PRKAG1: variants seen among roughly 807,000 people sequenced by gnomAD.
PRKAG1 encodes protein kinase AMP-activated non-catalytic subunit gamma 1, also known as 5'-AMP-activated protein kinase subunit gamma-1.
PRKAG1 carries 27 observed loss-of-function variants against 48.2 expected under a neutral mutation model. That is an observed-to-expected ratio of 0.56 (90% CI 0.41 to 0.77). The LOEUF (loss-of-function observed/expected upper bound fraction) is 0.77, where lower values mean the gene tolerates loss of function less well. PRKAG1 is among the 30% of genes least tolerant of loss of function. The pLI is 0.00. For missense variants in PRKAG1, 287 were observed against 398.3 expected (o/e 0.72, Z 2.38); for synonymous variants, 130 against 147.7 (o/e 0.88, Z 0.87).
At chr12:49,013,820 A>G (rs1941857667) in intron 1 of PRKAG1, among the ~76,000 whole-genome samples, 1 of 152,194 alleles carries the variant, frequency 6.6e-6, no homozygotes, top group South Asian at 2.1e-4. Flanking sequence ...CTAACAAAAT[A>G]ATTTCTTATA....
At position 49,002,657 on chromosome 12, in the gene PRKAG1, G is replaced by A; in HGVS notation, c.*242C>T. The A allele has an allele frequency of 1.7e-6, 1 of 594,086 alleles. No homozygotes were observed. Among genetic ancestry groups the A allele is most frequent in the Non-Finnish European group, 3.1e-6 (1 of 325,116 alleles). The allele number at this position is 594,086 out of a possible 1,614,324, so 36.8% of individuals were successfully genotyped here. ...CCCAGAAAGGGGGATATATCTAAGA[G>A]GACAGGGGCTAGAACTGGCTAGGCT... On this transcript the variant is annotated 3_prime_UTR_variant, in exon 12 of 12. Transcript: ENST00000548065.
chr12:49,007,791 A>G (rs990551463), intron 2 of PRKAG1, among the ~76,000 whole-genome samples: 1 of 151,534 alleles, frequency 6.6e-6, no homozygotes, highest in Non-Finnish European at 1.5e-5. Context: ...CACCACAAAC[A>G]CGTACTTCCC....
Position 49,004,956 on chromosome 12 carries a change from G to C in PRKAG1, c.410+8C>G. On this transcript the variant is annotated splice_region_variant and intron_variant, in intron 7 of 11. Coordinates refer to ENST00000548065, the MANE Select transcript of PRKAG1 (RefSeq NM_002733.5). ...CGCTTTTTGGACAGATGGGTAACTG[G>C]AACTCACCTGGCATTAGGAGAAATG... is the stretch of plus-strand genomic sequence containing the variant. The C allele has an allele frequency of 6.2e-7, 1 of 1,613,100 alleles. No individual in the cohort carries two copies. The highest frequency in any genetic ancestry group is 8.5e-7 in the Non-Finnish European group (1 of 1,179,594).
intron 1 of PRKAG1, among the ~76,000 whole-genome samples, chr12:49,016,260 T>C (rs1941964136): frequency 6.6e-6 from 1 of 152,188 alleles, no homozygotes; most frequent in African/African-American, 2.4e-5. Context: ...TTTAATAACA[T>C]AAGGGACCTG....
At chr12:49,016,897 A>G (rs1941996708) in intron 1 of PRKAG1, 2 of 341,222 alleles carry the variant, frequency 5.9e-6, no homozygotes, top group Admixed American at 8.5e-5. Flanking sequence ...ACCTGATCTT[A>G]GCCTGCTTTT....
chr12:49,003,281 C>T lies in PRKAG1; in HGVS notation c.751G>A (p.Ala251Thr), dbSNP rs764957818. The change falls in exon 11 of 12, where the codon GCA becomes ACA. Residue 251 changes from alanine to threonine, a missense_variant. This residue lies in a region of PRKAG1 where 224 missense variants were observed against 344.3 expected (regional missense o/e 0.65). Coordinates refer to ENST00000548065, the MANE Select transcript of PRKAG1 (RefSeq NM_002733.5). ...TCTAGGTTGTTGTAGGTCTTTTCTGCTGCCAGATTCTGGGGAGACAGAGGA... is the reference window on the plus strand; with the variant it reads ...TCTAGGTTGTTGTAGGTCTTTTCTGTTGCCAGATTCTGGGGAGACAGAGGA... ...YSKFDVINLA[A>T]EKTYNNLDVS... 1.9e-6 allele frequency: 3 copies of T among 1,614,006 alleles called. No individual in the cohort carries two copies. The highest frequency in any genetic ancestry group is 2.2e-5 in the East Asian group (1 of 44,892).
At chr12:49,017,199 CTTTCT>C (rs374630711) in intron 1 of PRKAG1, 254 of 455,912 alleles carry the variant, frequency 5.6e-4, no homozygotes, top group African/African-American at 4.4e-3. Context: ...CAGGAGTTTT[CTTTCT>C]TTTCTTTTTT....
chr12:49,003,016 A>G lies in PRKAG1; in HGVS notation c.889-10T>C. On this transcript the variant is annotated splice_polypyrimidine_tract_variant and intron_variant, in intron 11 of 11. Coordinates refer to ENST00000548065, the MANE Select transcript of PRKAG1 (RefSeq NM_002733.5). ...CTACAAGTCGGTGAACCTGGCACAGAGCAACAAGGGAGAAAGGGAATGTTT... is the reference window on the plus strand; with the variant it reads ...CTACAAGTCGGTGAACCTGGCACAGGGCAACAAGGGAGAAAGGGAATGTTT... 1.2e-6 allele frequency: 2 copies of G among 1,613,832 alleles called. No individual in the cohort carries two copies. The highest frequency in any genetic ancestry group is 2.2e-5 in the South Asian group (2 of 90,974).
chr12:49,012,673 C>A, intron 2 of PRKAG1: 1 of 200,466 alleles, frequency 5.0e-6, no homozygotes, highest in Non-Finnish European at 1.0e-5. Flanking sequence ...TGCACCAAGC[C>A]CTTTGCATAA....
At position 49,007,324 on chromosome 12, in the gene PRKAG1, C is replaced by A. The variant is rs181884170; in HGVS notation, c.59-1472G>T. Among the ~76,000 whole-genome samples, 4 of 151,474 alleles carry A rather than the reference C, an allele frequency of 2.6e-5. No individual in the cohort carries two copies. The East Asian group carries it at 7.7e-4, about 29-fold the overall frequency. ...AAAAAATTACATAATTTAATCCTTA[C>A]AACAAATGTGTAAGTAATGTCCTCA... On this transcript the variant is annotated intron_variant, in intron 2 of 11. Transcript: ENST00000548065.
chr12:49,007,963 G>A (rs372866606), intron 2 of PRKAG1, among the ~76,000 whole-genome samples: 185 of 151,326 alleles, frequency 1.2e-3, no homozygotes, highest in African/African-American at 4.2e-3. Flanking sequence ...AGGTTCAAGC[G>A]ATTCTCCTGC....
chr12:49,016,723 C>T (rs142834822), intron 1 of PRKAG1: 1 of 155,592 alleles, frequency 6.4e-6, no homozygotes, highest in Non-Finnish European at 1.4e-5. Flanking sequence ...AAGGGACTTT[C>T]ATCCCCATTA....
chr12:49,010,423 C>T lies in PRKAG1; in HGVS notation c.58+2639G>A, dbSNP rs963603545. Among the ~76,000 whole-genome samples, 3 of 152,116 alleles carry T rather than the reference C, an allele frequency of 2.0e-5. No homozygotes were observed. The East Asian group carries it at 5.8e-4, about 29-fold the overall frequency. ...TGGAGGGTGAAGGCTCTTCTGCCAG[C>T]GCTCTGGAAACTGAAAAGGGGGAAA... On this transcript the variant is annotated intron_variant, in intron 2 of 11. Coordinates refer to ENST00000548065, the MANE Select transcript of PRKAG1 (RefSeq NM_002733.5).
At chr12:49,007,515 T>C (rs1395641828) in intron 2 of PRKAG1, among the ~76,000 whole-genome samples, 3 of 152,200 alleles carry the variant, frequency 2.0e-5, no homozygotes, top group East Asian at 1.9e-4. Context: ...CAAAGTTATA[T>C]AGACACACAG....
intron 1 of PRKAG1, among the ~76,000 whole-genome samples, chr12:49,015,056 T>C (rs1181507041): frequency 6.6e-6 from 1 of 152,202 alleles, no homozygotes; most frequent in Non-Finnish European, 1.5e-5. Flanking sequence ...TCTCCCTTAA[T>C]GGGCTAGGGG....
intron 2 of PRKAG1, among the ~76,000 whole-genome samples, chr12:49,007,608 C>A (rs185939020): frequency 6.6e-6 from 1 of 152,246 alleles, no homozygotes; most frequent in Admixed American, 6.5e-5. Flanking sequence ...TACCCTTCCC[C>A]AGAGATGAGA....
rs1941803480 is a variant in PRKAG1 at position 49,012,619 on chromosome 12, C to A, written c.58+443G>T. 2.5e-5 allele frequency: 4 copies of A among 157,170 alleles called. No individual in the cohort carries two copies. The South Asian group carries it at 7.2e-4, about 28-fold the overall frequency. The allele number at this position is 157,170 out of a possible 1,614,324, so 9.7% of individuals were successfully genotyped here. A position where few individuals can be genotyped will look rare whatever the true frequency, so the allele number is the denominator to read the frequency against. On this transcript the variant is annotated intron_variant, in intron 2 of 11. Coordinates refer to ENST00000548065, the MANE Select transcript of PRKAG1 (RefSeq NM_002733.5). ...AAACTCCTGAGCTCAAGTGATCCAC[C>A]TGCCTCGGCCTCCCAAAGTGCTGGG... is the stretch of plus-strand genomic sequence containing the variant.
intron 2 of PRKAG1, among the ~76,000 whole-genome samples, chr12:49,010,560 A>G (rs1431583747): frequency 1.3e-5 from 2 of 152,118 alleles, no homozygotes; most frequent in Non-Finnish European, 2.9e-5. Flanking sequence ...TCTCTGCCAC[A>G]GTTGGGAGGC....
intron 2 of PRKAG1, among the ~76,000 whole-genome samples, chr12:49,008,223 T>A (rs1254995809): frequency 6.6e-6 from 1 of 151,744 alleles, no homozygotes; most frequent in East Asian, 1.9e-4. Context: ...AAACTCTGAT[T>A]TTTTTTTCTT....
Sources: allele counts gnomAD v4.1 joint callset (sites outside exome capture counted in the v4.1 genomes callset), GRCh38; gene constraint gnomAD v4.1.1; regional missense constraint gnomAD v4.1.1; transcripts MANE v1.5; gene names NCBI Gene and HGNC (gene_info 2026-07-23, HGNC 2026-07-21).